Variants in AHRR observed in about 807,000 individuals in gnomAD.
The protein encoded by AHRR is ahR repressor.
Under a neutral mutation model 44.0 loss-of-function variants are expected in AHRR, and 28 were observed. That is an observed-to-expected ratio of 0.64 (90% confidence interval 0.47 to 0.87). The LOEUF is 0.87. AHRR is among the 40% of genes least tolerant of loss of function. AHRR has a pLI of 0.00. For missense variants in AHRR, 990 were observed against 953.9 expected (o/e 1.04, Z -0.50); for synonymous variants, 434 against 407.0 (o/e 1.07, Z -0.80).
chr5:430,504 C>T (rs970292145), intron 8 of AHRR, among the ~76,000 whole-genome samples: 3 of 152,240 alleles, frequency 2.0e-5, no homozygotes, highest in Non-Finnish European at 4.4e-5. Flanking sequence ...ACGCCCTGCT[C>T]AGTGTCCAGG....
At chr5:432,608 A>G (rs887331712) in intron 9 of AHRR, 84 bp downstream of exon 9, 13 of 1,536,606 alleles carry the variant, frequency 8.5e-6, no homozygotes, top group Non-Finnish European at 1.2e-5. Context: ...CCCAGTGGAG[A>G]TGTTGGCGTA....
chr5:423,248 A>C (rs1210431271), intron 6 of AHRR, among the ~76,000 whole-genome samples: 1 of 152,196 alleles, frequency 6.6e-6, no homozygotes, highest in East Asian at 1.9e-4. Context: ...AAAGTCCCTG[A>C]AAGATTGTTG....
At chr5:433,340 C>G (rs1736828717) in intron 10 of AHRR, among the ~76,000 whole-genome samples, 1 of 152,212 alleles carries the variant, frequency 6.6e-6, no homozygotes, top group African/African-American at 2.4e-5. Flanking sequence ...GCCTCCTCCC[C>G]TTTCCTGACC....
Position 404,514 on chromosome 5 carries a change from T to G in AHRR, c.352-8830T>G. ...AACTATTTTCAGACTTTACGGTTTGTAGTGATAACCTCTTCAGAAAAAGAG... is the reference window on the plus strand; with the variant it reads ...AACTATTTTCAGACTTTACGGTTTGGAGTGATAACCTCTTCAGAAAAAGAG... On this transcript the variant is annotated intron_variant, in intron 4 of 10. Coordinates refer to ENST00000684583, the MANE Select transcript of AHRR (RefSeq NM_001377236.1). The surrounding 1 kb of genome is among the most constrained non-coding windows in gnomAD (Gnocchi z 4.1). 2.4e-6 allele frequency: 1 copy of G among 413,086 alleles called. No homozygotes were observed. The highest frequency in any genetic ancestry group is 4.9e-6 in the Non-Finnish European group (1 of 204,718). 25.6% of individuals were successfully genotyped at this position (413,086 alleles called of 1,614,324 possible). A position where few individuals can be genotyped will look rare whatever the true frequency, so the allele number is the denominator to read the frequency against.
At position 375,277 on chromosome 5, in the gene AHRR, A is replaced by C. The variant is rs932326809; in HGVS notation, c.245-1333A>C. ...TCATTTTGGGACTGTGATGGGCTAC[A>C]AATAGACACGTGCGCTTTTCGATGA... On this transcript the variant is annotated intron_variant, in intron 3 of 10. Coordinates refer to ENST00000684583, the MANE Select transcript of AHRR (RefSeq NM_001377236.1). Among the ~76,000 whole-genome samples the C allele has an allele frequency of 6.0e-4, 91 of 152,364 alleles. 3 individuals are homozygous for C. Among genetic ancestry groups the C allele is most frequent in the Admixed American group, 5.4e-3 (83 of 15,306 alleles).
rs1036885461 is a variant in AHRR, at chr5:406,780, G to A, written c.352-6564G>A. On this transcript the variant is annotated intron_variant, in intron 4 of 10. Coordinates refer to ENST00000684583, the MANE Select transcript of AHRR (RefSeq NM_001377236.1). The surrounding 1 kb of genome is among the most constrained non-coding windows in gnomAD (Gnocchi z 4.7). ...AAAAGCATGGGCCACTGCAGTCACG[G>A]TGATCCAGGAGTAAGGTGAGACCCC... Among the ~76,000 whole-genome samples the A allele has an allele frequency of 6.6e-6, 1 of 152,174 alleles. No homozygotes were observed. The highest frequency in any genetic ancestry group is 1.5e-5 in the Non-Finnish European group (1 of 68,032).
intron 1 of AHRR, among the ~76,000 whole-genome samples, chr5:328,937 T>C (rs1367160022): frequency 6.6e-6 from 1 of 152,184 alleles, no homozygotes; most frequent in African/African-American, 2.4e-5. Flanking sequence ...AATCATGTAG[T>C]GATATGGTTA....
intron 2 of AHRR, among the ~76,000 whole-genome samples, chr5:350,641 G>A (rs1402057720): frequency 6.6e-6 from 1 of 152,118 alleles, no homozygotes; most frequent in African/African-American, 2.4e-5. Context: ...GGTCTTGGGT[G>A]TCCTTCACTG....
intron 2 of AHRR, among the ~76,000 whole-genome samples, chr5:353,372 C>T (rs1579615065): frequency 6.6e-6 from 1 of 152,324 alleles, no homozygotes; most frequent in East Asian, 1.9e-4. Context: ...GCCCCGCCAG[C>T]CTGGGGCCAG....
intron 4 of AHRR, among the ~76,000 whole-genome samples, chr5:398,897 C>T (rs554059900): frequency 3.2e-4 from 48 of 152,308 alleles, no homozygotes; most frequent in Non-Finnish European, 5.9e-4. Context: ...TTTCCCCACC[C>T]GAGGTCACTG....
In AHRR at chr5:376,799, C is replaced by T. The variant is rs970768795; in HGVS notation, c.351+83C>T. The T allele has an allele frequency of 4.8e-6, 6 of 1,239,802 alleles. No individual in the cohort carries two copies. The South Asian group carries it at 7.8e-5, about 16-fold the overall frequency. The allele number at this position is 1,239,802 out of a possible 1,614,324, so 76.8% of individuals were successfully genotyped here. A position where few individuals can be genotyped will look rare whatever the true frequency, so the allele number is the denominator to read the frequency against. On this transcript the variant is annotated intron_variant, in intron 4 of 10. Transcript: ENST00000684583. ...GTTCAGGCTCAGTCATACTCCGTGTCACGCATGTTCAGGCCCTCACCCAGG... is the reference window on the plus strand; with the variant it reads ...GTTCAGGCTCAGTCATACTCCGTGTTACGCATGTTCAGGCCCTCACCCAGG...
At chr5:335,758 T>C (rs113470962) in intron 1 of AHRR, among the ~76,000 whole-genome samples, 7 of 152,330 alleles carry the variant, frequency 4.6e-5, no homozygotes, top group African/African-American at 1.7e-4. Flanking sequence ...ATCCTGGCTG[T>C]TGGAGACAAA....
At chr5:376,502 G>A in intron 3 of AHRR, 108 bp from the exon 4 acceptor site, 3 of 57,624 alleles carry the variant, frequency 5.2e-5, no homozygotes, top group South Asian at 1.2e-4. Flanking sequence ...CCAGATGTCA[G>A]GTGAGAACCG....
rs533163319 is a variant in AHRR, at chr5:323,684, G to C, written c.-11+1865G>C. Among the ~76,000 whole-genome samples the C allele has an allele frequency of 3.9e-5, 6 of 152,292 alleles. No individual in the cohort carries two copies. In the South Asian group the frequency reaches 1.2e-3, roughly 32 times the overall value. On this transcript the variant is annotated intron_variant, in intron 1 of 10. Transcript: ENST00000684583. ...ACCCGTGCTGGGTGCTGAGACGCCG[G>C]GGGAGGGGGAGGCAGCTGTGGTTCC...
At position 388,000 on chromosome 5, in the gene AHRR, G is replaced by T. The variant is rs1734240670; in HGVS notation, c.351+11284G>T. Among the ~76,000 whole-genome samples, 1 of 152,166 alleles carries T rather than the reference G, an allele frequency of 6.6e-6. No homozygotes were observed. Among genetic ancestry groups the T allele is most frequent in the Non-Finnish European group, 1.5e-5 (1 of 68,036 alleles). ...TCTGCATCTCTGTCAGTGTGTCTGG[G>T]TACAAATCTCCCTCTTGTAAGGACA... is the stretch of plus-strand genomic sequence containing the variant. On this transcript the variant is annotated intron_variant, in intron 4 of 10. Transcript: ENST00000684583. This position sits in a 1 kb window ranked among gnomAD's most constrained non-coding sequence, Gnocchi z 5.1.
chr5:424,796 T>C (rs1197936411), intron 7 of AHRR, among the ~76,000 whole-genome samples: 1 of 152,182 alleles, frequency 6.6e-6, no homozygotes, highest in Non-Finnish European at 1.5e-5. Context: ...CTTGGGGTTT[T>C]CACTTCTGCT....
chr5:430,067 C>T (rs574508049), intron 8 of AHRR, among the ~76,000 whole-genome samples: 24 of 152,346 alleles, frequency 1.6e-4, no homozygotes, highest in Non-Finnish European at 2.9e-4. Flanking sequence ...CTGTTCTGGG[C>T]GCTGCCTTTA....
rs555941798 is a variant in AHRR, at chr5:430,453, G to A, written c.909-2010G>A. Among the ~76,000 whole-genome samples, 413 of 152,340 alleles carry A rather than the reference G, an allele frequency of 2.7e-3. 3 individuals are homozygous for A. The highest frequency in any genetic ancestry group is 9.5e-3 in the African/African-American group (397 of 41,576). ...AGAGGATACGGCCGAGGGCCCTTTCGCCCCAGGGGACCTGCAAAGGAGGAC... is the reference window on the plus strand; with the variant it reads ...AGAGGATACGGCCGAGGGCCCTTTCACCCCAGGGGACCTGCAAAGGAGGAC... On this transcript the variant is annotated intron_variant, in intron 8 of 10. Coordinates refer to ENST00000684583, the MANE Select transcript of AHRR (RefSeq NM_001377236.1).
intron 5 of AHRR, 153 bp from the exon 6 acceptor site, chr5:422,576 G>A: frequency 9.7e-7 from 1 of 1,031,700 alleles, no homozygotes; most frequent in East Asian, 2.5e-5. Context: ...TGGGGAACCG[G>A]GGCCAAGCGC....
Sources: allele counts gnomAD v4.1 joint callset (sites outside exome capture counted in the v4.1 genomes callset), GRCh38; gene constraint gnomAD v4.1.1; non-coding constraint Gnocchi (gnomAD v3.1); transcripts MANE v1.5; gene names NCBI Gene and HGNC (gene_info 2026-07-23, HGNC 2026-07-21).